Variants in MARCHF1 observed in about 807,000 individuals in gnomAD.
MARCHF1 encodes E3 ubiquitin-protein ligase MARCHF1.
In MARCHF1, 40 loss-of-function variants were observed where a neutral mutation model predicts 54.2. That is an observed-to-expected ratio of 0.74 (90% CI 0.57 to 0.96). MARCHF1 has a LOEUF of 0.96. Among genes scored for constraint, MARCHF1 ranks in the 40% least tolerant of loss-of-function variants. The pLI, the probability that MARCHF1 is intolerant of heterozygous loss-of-function variation, is 0.00. For synonymous variants in MARCHF1, 236 were observed against 236.3 expected (o/e 1.00, Z 0.01); for missense variants, 586 against 656.5 (o/e 0.89, Z 1.17).
chr4:164,350,809 C>T (rs1022516951), intron 1 of MARCHF1, among the ~76,000 whole-genome samples: 3 of 151,974 alleles, frequency 2.0e-5, no homozygotes, highest in Admixed American at 6.5e-5. Flanking sequence ...CCAGCGTGAG[C>T]GACGCAGAAG....
At chr4:164,167,898 A>C (rs1730421831) in intron 1 of MARCHF1, among the ~76,000 whole-genome samples, 1 of 152,028 alleles carries the variant, frequency 6.6e-6, no homozygotes, top group Non-Finnish European at 1.5e-5. Context: ...AGCTCAGGCT[A>C]CAAAAGCAAA....
chr4:163,870,793 A>T (rs1750152533), intron 3 of MARCHF1, among the ~76,000 whole-genome samples: 1 of 152,164 alleles, frequency 6.6e-6, no homozygotes. Flanking sequence ...AGTTGATCTC[A>T]TAGAAAGAGA....
chr4:163,805,822 T>C (rs1748211199), intron 4 of MARCHF1, among the ~76,000 whole-genome samples: 1 of 152,192 alleles, frequency 6.6e-6, no homozygotes, highest in African/African-American at 2.4e-5. Context: ...ACACAAACAC[T>C]AGGCTCAGCT....
chr4:164,058,331 A>G (rs1390490481), intron 2 of MARCHF1, among the ~76,000 whole-genome samples: 1 of 152,210 alleles, frequency 6.6e-6, no homozygotes, highest in Non-Finnish European at 1.5e-5. Context: ...GCCAATGTCC[A>G]CTGATGTAGT....
At chr4:163,872,910 G>A (rs1170307272) in intron 3 of MARCHF1, among the ~76,000 whole-genome samples, 3 of 152,060 alleles carry the variant, frequency 2.0e-5, no homozygotes, top group Non-Finnish European at 2.9e-5. Flanking sequence ...CGGGCGTGGT[G>A]GCGGGCGCCT....
At chr4:164,361,070 A>G (rs959847267) in intron 1 of MARCHF1, among the ~76,000 whole-genome samples, 7 of 151,734 alleles carry the variant, frequency 4.6e-5, no homozygotes, top group Admixed American at 3.9e-4. Flanking sequence ...GCTGTGTATC[A>G]TAACACTGGT....
intron 4 of MARCHF1, among the ~76,000 whole-genome samples, chr4:163,710,087 T>C (rs1038208536): frequency 6.6e-6 from 1 of 152,168 alleles, no homozygotes; most frequent in Non-Finnish European, 1.5e-5. Flanking sequence ...ATGGGTAAAC[T>C]TGCTAATCTC....
At chr4:164,152,899 T>C (rs1196426739) in intron 1 of MARCHF1, among the ~76,000 whole-genome samples, 4 of 151,132 alleles carry the variant, frequency 2.6e-5, no homozygotes, top group Non-Finnish European at 2.9e-5. Context: ...CCCACCCCAG[T>C]TTGAGTCGTT....
At chr4:163,867,456 A>G (rs60308214) in intron 3 of MARCHF1, among the ~76,000 whole-genome samples, 2,802 of 151,902 alleles carry the variant, frequency 0.018, 78 homozygotes, top group African/African-American at 0.064. Context: ...ACACATATCC[A>G]TAATATAGTA....
At chr4:163,638,374 T>A (rs931120759) in intron 5 of MARCHF1, among the ~76,000 whole-genome samples, 1 of 151,978 alleles carries the variant, frequency 6.6e-6, no homozygotes, top group African/African-American at 2.4e-5. Flanking sequence ...ATGAGTGAGT[T>A]CATGTGAGAT....
chr4:163,895,045 T>TATATGCATGTGATGCATAA (rs964949497), intron 3 of MARCHF1, among the ~76,000 whole-genome samples: 2 of 151,804 alleles, frequency 1.3e-5, no homozygotes, highest in African/African-American at 4.8e-5. Flanking sequence ...CACATATACA[T>TATATGCATGTGATGCATAA]ATATGCATGT....
At chr4:164,259,327 A>C (rs1344946814) in intron 1 of MARCHF1, among the ~76,000 whole-genome samples, 3 of 151,800 alleles carry the variant, frequency 2.0e-5, no homozygotes, top group Non-Finnish European at 1.5e-5. Context: ...TGGATCATTT[A>C]AGGTCGGGAG....
In MARCHF1 at chr4:164,056,715, G is replaced by A. The variant is rs10016352; in HGVS notation, c.-248+54873C>T. On this transcript the variant is annotated intron_variant, in intron 2 of 9. Coordinates refer to ENST00000514618, the MANE Select transcript of MARCHF1 (RefSeq NM_001394959.1). ...ATGCTCAGCAAGAGAACTCACTTGC[G>A]TGGCATTCAGGCATTGTCTGTGCCT... Among the ~76,000 whole-genome samples the A allele has an allele frequency of 1.0e-3, 156 of 152,272 alleles. 1 individual carries two copies. The highest frequency in any genetic ancestry group is 3.3e-3 in the African/African-American group (137 of 41,560).
At chr4:163,999,696 G>A (rs902074135) in intron 2 of MARCHF1, among the ~76,000 whole-genome samples, 1 of 151,426 alleles carries the variant, frequency 6.6e-6, no homozygotes, top group African/African-American at 2.4e-5. Flanking sequence ...AACATTAATT[G>A]CTATTTATTG....
At chr4:163,767,136 A>G (rs1384624898) in intron 4 of MARCHF1, among the ~76,000 whole-genome samples, 1 of 150,882 alleles carries the variant, frequency 6.6e-6, no homozygotes, top group East Asian at 1.9e-4. Flanking sequence ...ATCCAAGGAT[A>G]TAAAGCCTGT....
chr4:164,258,298 A>G (rs903399790), intron 1 of MARCHF1, among the ~76,000 whole-genome samples: 4 of 152,014 alleles, frequency 2.6e-5, no homozygotes, highest in Admixed American at 1.3e-4. Context: ...CCTAATGTAG[A>G]TGACTGGTTG....
chr4:164,151,730 T>C (rs1205798425), intron 1 of MARCHF1, among the ~76,000 whole-genome samples: 1 of 152,182 alleles, frequency 6.6e-6, no homozygotes, highest in Non-Finnish European at 1.5e-5. Context: ...GTTATGATTT[T>C]ATTTAAAATA....
chr4:163,657,876 T>C (rs1303354079), intron 5 of MARCHF1, among the ~76,000 whole-genome samples: 1 of 151,978 alleles, frequency 6.6e-6, no homozygotes, highest in Non-Finnish European at 1.5e-5. Context: ...AATTGAACCC[T>C]GGACCCCTTC....
chr4:164,157,900 A>C (rs1165733724), intron 1 of MARCHF1, among the ~76,000 whole-genome samples: 2 of 152,158 alleles, frequency 1.3e-5, no homozygotes, highest in Non-Finnish European at 2.9e-5. Flanking sequence ...TCAACCCAAA[A>C]TACACATGAA....
Sources: allele counts gnomAD v4.1 joint callset (sites outside exome capture counted in the v4.1 genomes callset), GRCh38; gene constraint gnomAD v4.1.1; transcripts MANE v1.5; gene names NCBI Gene and HGNC (gene_info 2026-07-23, HGNC 2026-07-21).